Variants in ZFPM2 observed in about 807,000 individuals in gnomAD.
The protein encoded by ZFPM2 is zinc finger protein, FOG family member 2.
In ZFPM2, 20 loss-of-function variants were observed where a neutral mutation model predicts 98.6. That is an observed-to-expected ratio of 0.20 (90% CI 0.14 to 0.29). The LOEUF (loss-of-function observed/expected upper bound fraction) is 0.29, where lower values mean the gene tolerates loss of function less well. Among genes scored for constraint, ZFPM2 ranks in the 10% least tolerant of loss-of-function variants. ZFPM2 has a pLI of 1.00. For synonymous variants in ZFPM2, 518 were observed against 502.7 expected (o/e 1.03, Z -0.41); for missense variants, 1,310 against 1,388.6 (o/e 0.94, Z 0.90).
At chr8:105,466,335 G>A (rs1486733084) in intron 3 of ZFPM2, among the ~76,000 whole-genome samples, 1 of 151,902 alleles carries the variant, frequency 6.6e-6, no homozygotes, top group Non-Finnish European at 1.5e-5. Flanking sequence ...CTATTTTAAT[G>A]CACATGTGTT....
At chr8:105,522,686 G>T (rs745640912) in intron 3 of ZFPM2, among the ~76,000 whole-genome samples, 50 of 151,934 alleles carry the variant, frequency 3.3e-4, no homozygotes, top group Non-Finnish European at 6.9e-4. Flanking sequence ...CAGGAGAATC[G>T]CTTGAACCCG....
At chr8:105,619,670 C>G (rs1317300400) in intron 4 of ZFPM2, among the ~76,000 whole-genome samples, 4 of 151,850 alleles carry the variant, frequency 2.6e-5, no homozygotes, top group Non-Finnish European at 5.9e-5. Flanking sequence ...TCTCCTAATG[C>G]TATCCCTCCC....
chr8:105,635,008 G>T (rs1362601996), intron 5 of ZFPM2, among the ~76,000 whole-genome samples: 4 of 152,158 alleles, frequency 2.6e-5, no homozygotes, highest in Non-Finnish European at 5.9e-5. Context: ...TGTGGGGCTG[G>T]GGCTGACTGT....
intron 1 of ZFPM2, among the ~76,000 whole-genome samples, chr8:105,393,781 G>A (rs1306351167): frequency 6.6e-6 from 1 of 151,540 alleles, no homozygotes; most frequent in East Asian, 1.9e-4. Context: ...AATTGTGGAT[G>A]TTACAATAAT....
chr8:105,489,494 C>A (rs1302545689), intron 3 of ZFPM2, among the ~76,000 whole-genome samples: 2 of 119,964 alleles, frequency 1.7e-5, no homozygotes, highest in Non-Finnish European at 3.2e-5. Context: ...GATGGAATCT[C>A]ACTTTGTTGC....
chr8:105,691,847 G>T (rs1810893223), intron 5 of ZFPM2, among the ~76,000 whole-genome samples: 1 of 152,128 alleles, frequency 6.6e-6, no homozygotes, highest in Non-Finnish European at 1.5e-5. Flanking sequence ...CGCTCCTTTA[G>T]AGTTTATCTC....
At chr8:105,441,113 C>G (rs1008827732) in intron 2 of ZFPM2, among the ~76,000 whole-genome samples, 7 of 152,062 alleles carry the variant, frequency 4.6e-5, no homozygotes, top group Non-Finnish European at 1.0e-4. Context: ...CGAGATCGCA[C>G]CACTGCACTC....
intron 5 of ZFPM2, among the ~76,000 whole-genome samples, chr8:105,717,334 C>T (rs1231254194): frequency 6.6e-6 from 1 of 151,940 alleles, no homozygotes. Flanking sequence ...TTTTCCTCAC[C>T]ACCACAGAGC....
intron 5 of ZFPM2, among the ~76,000 whole-genome samples, chr8:105,695,332 T>G (rs1170124251): frequency 6.6e-6 from 1 of 151,560 alleles, no homozygotes; most frequent in Admixed American, 6.6e-5. Flanking sequence ...ATTAAAGCCC[T>G]GTCTATATTA....
At chr8:105,795,781 C>T in intron 6 of ZFPM2, 1 of 488,844 alleles carries the variant, frequency 2.0e-6, no homozygotes, top group South Asian at 1.5e-5. Context: ...GACACAAAAT[C>T]AGTCGTCTGG....
At chr8:105,477,483 T>G (rs1280798179) in intron 3 of ZFPM2, among the ~76,000 whole-genome samples, 1 of 151,936 alleles carries the variant, frequency 6.6e-6, no homozygotes, top group African/African-American at 2.4e-5. Flanking sequence ...GACCTCGTGA[T>G]CCACCCACCT....
chr8:105,372,004 AATTATT>A (rs139489210), intron 1 of ZFPM2, among the ~76,000 whole-genome samples: 4,283 of 145,664 alleles, frequency 0.029, 125 homozygotes, highest in African/African-American at 0.076. Flanking sequence ...AAAATAGTGA[AATTATT>A]ATTATTATTA....
intron 3 of ZFPM2, among the ~76,000 whole-genome samples, chr8:105,540,973 T>C (rs749622123): frequency 6.6e-6 from 1 of 152,250 alleles, no homozygotes; most frequent in Middle Eastern, 3.4e-3. Flanking sequence ...ACTACATGAC[T>C]TTGAAACAGT....
chr8:105,549,985 A>C (rs1814813381), intron 3 of ZFPM2, among the ~76,000 whole-genome samples: 1 of 152,102 alleles, frequency 6.6e-6, no homozygotes, highest in Non-Finnish European at 1.5e-5. Flanking sequence ...GAAAATATTT[A>C]GTTATTAAAT....
intron 1 of ZFPM2, among the ~76,000 whole-genome samples, chr8:105,320,258 G>GTA (rs779215253): frequency 3.7e-5 from 3 of 80,212 alleles, no homozygotes; most frequent in African/African-American, 1.3e-4. Context: ...TCAGATCTTT[G>GTA]TGTGTGTGTG....
At chr8:105,480,508 A>C (rs1291075416) in intron 3 of ZFPM2, among the ~76,000 whole-genome samples, 2 of 152,036 alleles carry the variant, frequency 1.3e-5, no homozygotes, top group African/African-American at 4.8e-5. Context: ...AGCAATTTCT[A>C]CTCTTTCCTT....
intron 3 of ZFPM2, among the ~76,000 whole-genome samples, chr8:105,472,492 G>A (rs1812923376): frequency 6.6e-6 from 1 of 151,748 alleles, no homozygotes; most frequent in Admixed American, 6.6e-5. Flanking sequence ...CACTCCTTGT[G>A]TTTTGTTTTG....
In ZFPM2 at chr8:105,561,222, G is replaced by T. The variant is rs1049318421; in HGVS notation, c.302-141G>T. ...TTATTTTCCTCTCAGGTTAAGATGAGTTGTTTTTCAGACAAGCATAATTAA... is the reference window on the plus strand; with the variant it reads ...TTATTTTCCTCTCAGGTTAAGATGATTTGTTTTTCAGACAAGCATAATTAA... On this transcript the variant is annotated intron_variant, in intron 3 of 7. Transcript: ENST00000407775. 1.1e-4 allele frequency: 77 copies of T among 686,146 alleles called. No individual in the cohort carries two copies. In the African/African-American group the frequency reaches 1.2e-3, roughly 11 times the overall value. The allele number at this position is 686,146 out of a possible 1,614,324, so 42.5% of individuals were successfully genotyped here.
At chr8:105,615,075 C>T (rs1217484713) in intron 4 of ZFPM2, among the ~76,000 whole-genome samples, 1 of 151,790 alleles carries the variant, frequency 6.6e-6, no homozygotes, top group Non-Finnish European at 1.5e-5. Flanking sequence ...TATGGTATGC[C>T]CTTATCAATA....
Sources: gnomAD v4.1 joint callset for allele counts (sites outside exome capture counted in the v4.1 genomes callset) on GRCh38, gnomAD v4.1.1 for gene constraint, MANE v1.5 for transcripts, NCBI Gene and HGNC (gene_info 2026-07-23, HGNC 2026-07-21) for gene names.